The following MUCL1 variants were observed in gnomAD, a reference collection of about 807,000 sequenced individuals.
MUCL1 encodes mucin like 1, also known as mucin-like protein 1.
In MUCL1, 11 loss-of-function variants were observed where a neutral mutation model predicts 9.2. The ratio of observed to expected loss-of-function variants is 1.19; its 90% CI spans 0.75 to 1.97. MUCL1 has a LOEUF of 1.97. Ranked by LOEUF, MUCL1 falls within the 30% of genes most tolerant of loss-of-function variation. MUCL1 has a pLI of 0.00. For synonymous variants in MUCL1, 48 were observed against 40.5 expected (o/e 1.19, Z -0.71); for missense variants, 144 against 110.9 (o/e 1.30, Z -1.34).
rs563374032 is a variant in MUCL1, at chr12:54,855,732, C to A, written c.100+575C>A. On this transcript the variant is annotated intron_variant, in intron 2 of 3. Coordinates refer to ENST00000308796, the MANE Select transcript of MUCL1 (RefSeq NM_058173.3). ...GCCTTTAGTCATTCTTGGGCTTCTC[C>A]CAAAGTGTTCTTCACATTCTGTACT... 3.9e-5 allele frequency among the ~76,000 whole-genome samples: 6 copies of A among 152,314 alleles called. No homozygotes were observed. In the South Asian group the frequency reaches 1.0e-3, roughly 26 times the overall value.
At chr12:54,856,634 G>T in intron 2 of MUCL1, 136 bp from the exon 3 acceptor site, 1 of 1,201,656 alleles carries the variant, frequency 8.3e-7, no homozygotes. Flanking sequence ...AGGCAGGTAG[G>T]CTAAAGGTAA....
chr12:54,851,336 G>A (rs941164465), upstream of MUCL1, among the ~76,000 whole-genome samples: 4 of 152,046 alleles, frequency 2.6e-5, no homozygotes, highest in African/African-American at 9.7e-5. Context: ...TAATCTCTGG[G>A]ATGCAAGGCT....
chr12:54,835,868 T>C (rs574347984), upstream of MUCL1, among the ~76,000 whole-genome samples: 2 of 152,322 alleles, frequency 1.3e-5, no homozygotes, highest in East Asian at 3.9e-4. Context: ...TGCCTATTTA[T>C]AAATTCTGCC....
chr12:54,848,085 G>A (rs1220253132), intron 1 of MUCL1, among the ~76,000 whole-genome samples: 1 of 110,320 alleles, frequency 9.1e-6, no homozygotes, highest in Non-Finnish European at 1.9e-5. Context: ...TCTGTGTCTA[G>A]TTAATTCTTG....
At chr12:54,836,629 T>A (rs1959193419), upstream of MUCL1, among the ~76,000 whole-genome samples, 1 of 152,114 alleles carries the variant, frequency 6.6e-6, no homozygotes, top group Non-Finnish European at 1.5e-5. Flanking sequence ...TAGTTTTGGG[T>A]TTGGTTTGTC....
At chr12:54,831,442 T>C (rs1344178364) in intron 1 of MUCL1, among the ~76,000 whole-genome samples, 1 of 152,144 alleles carries the variant, frequency 6.6e-6, no homozygotes, top group Non-Finnish European at 1.5e-5. Flanking sequence ...GCATTAAGTA[T>C]AATAGAAACA....
upstream of MUCL1, among the ~76,000 whole-genome samples, chr12:54,850,778 A>T (rs1453795431): frequency 2.6e-5 from 4 of 152,242 alleles, no homozygotes; most frequent in Non-Finnish European, 4.4e-5. Flanking sequence ...TCCCAACAAC[A>T]GTGTAAAAGT....
chr12:54,840,640 A>G (rs1385085624), intron 1 of MUCL1, among the ~76,000 whole-genome samples: 1 of 152,148 alleles, frequency 6.6e-6, no homozygotes, highest in Non-Finnish European at 1.5e-5. Flanking sequence ...AAGCCAGGTT[A>G]TGGCTGGGTC....
At chr12:54,834,977 G>T (rs184088267), upstream of MUCL1, among the ~76,000 whole-genome samples, 218 of 152,092 alleles carry the variant, frequency 1.4e-3, no homozygotes, top group African/African-American at 2.7e-3. Context: ...TTAGCTTCCA[G>T]TTATAAGTGA....
chr12:54,837,295 G>A (rs571868270), upstream of MUCL1, among the ~76,000 whole-genome samples: 36 of 152,132 alleles, frequency 2.4e-4, no homozygotes, highest in African/African-American at 8.7e-4. Context: ...GGATTGTAAT[G>A]TTTTCTTGTT....
chr12:54,846,316 G>T (rs965306078), intron 1 of MUCL1, among the ~76,000 whole-genome samples: 8 of 152,158 alleles, frequency 5.3e-5, no homozygotes, highest in Non-Finnish European at 7.3e-5. Flanking sequence ...TGCTCCCCAT[G>T]GCCTCTGCAC....
chr12:54,840,715 G>A (rs1332993329), intron 1 of MUCL1, among the ~76,000 whole-genome samples: 1 of 152,182 alleles, frequency 6.6e-6, no homozygotes, highest in African/African-American at 2.4e-5. Flanking sequence ...GGGGATTGGA[G>A]GGCAGTTCTC....
intron 1 of MUCL1, among the ~76,000 whole-genome samples, chr12:54,833,592 G>A (rs893331890): frequency 6.6e-6 from 1 of 151,952 alleles, no homozygotes; most frequent in African/African-American, 2.4e-5. Context: ...TGGTTATATT[G>A]GATTATCTTT....
chr12:54,832,535 A>T (rs1349338924), intron 1 of MUCL1, among the ~76,000 whole-genome samples: 1 of 151,982 alleles, frequency 6.6e-6, no homozygotes, highest in Non-Finnish European at 1.5e-5. Flanking sequence ...AAAATCTTTT[A>T]TTGTCACTTT....
chr12:54,833,836 G>A (rs1458828638), intron 1 of MUCL1, among the ~76,000 whole-genome samples: 1 of 147,030 alleles, frequency 6.8e-6, no homozygotes, highest in African/African-American at 2.5e-5. Flanking sequence ...TTGGGGGAGG[G>A]GGGAGGGATA....
At chr12:54,839,609 C>T (rs1959200713) in intron 1 of MUCL1, among the ~76,000 whole-genome samples, 1 of 152,170 alleles carries the variant, frequency 6.6e-6, no homozygotes, top group Non-Finnish European at 1.5e-5. Flanking sequence ...CTCCCAGTCA[C>T]ACTGCTGACC....
At chr12:54,847,666 C>A (rs1959276098) in intron 1 of MUCL1, among the ~76,000 whole-genome samples, 1 of 152,078 alleles carries the variant, frequency 6.6e-6, no homozygotes, top group East Asian at 1.9e-4. Context: ...AAGAAAGAGA[C>A]AAGCAAATAT....
At chr12:54,851,370 A>C (rs563241772), upstream of MUCL1, among the ~76,000 whole-genome samples, 1 of 152,328 alleles carries the variant, frequency 6.6e-6, no homozygotes, top group South Asian at 2.1e-4. Flanking sequence ...AAATCAATAC[A>C]CGTAATCCAG....
intron 1 of MUCL1, among the ~76,000 whole-genome samples, chr12:54,831,419 T>A (rs143592066): frequency 6.6e-6 from 1 of 152,158 alleles, no homozygotes; most frequent in African/African-American, 2.4e-5. Flanking sequence ...AACAGCTGTG[T>A]TCTGGGTAAT....
Sources: gnomAD v4.1 joint callset for allele counts (sites outside exome capture counted in the v4.1 genomes callset) on GRCh38, gnomAD v4.1.1 for gene constraint, MANE v1.5 for transcripts, NCBI Gene and HGNC (gene_info 2026-07-23, HGNC 2026-07-21) for gene names.